Variants in RORA observed in about 807,000 individuals in gnomAD.
RORA encodes RAR related orphan receptor A.
A neutral mutation model predicts 69.5 loss-of-function variants in RORA; 7 were observed. The ratio of observed to expected loss-of-function variants is 0.10; its 90% CI spans 0.06 to 0.19. RORA has a LOEUF of 0.19. Ranked by LOEUF, RORA falls within the 10% of genes least tolerant of loss-of-function variation. The pLI, the probability that RORA is intolerant of heterozygous loss-of-function variation, is 1.00. For synonymous variants in RORA, 261 were observed against 240.8 expected (o/e 1.08, Z -0.78); for missense variants, 457 against 663.0 (o/e 0.69, Z 3.41).
At chr15:61,170,322 C>A (rs1345312296) in intron 1 of RORA, among the ~76,000 whole-genome samples, 1 of 152,206 alleles carries the variant, frequency 6.6e-6, no homozygotes, top group Non-Finnish European at 1.5e-5. Flanking sequence ...CACCTGCATT[C>A]TCTTTGCCCT....
chr15:60,500,034 A>G (rs201982374), intron 9 of RORA, 30 bp from the exon 10 acceptor site: 2 of 1,365,582 alleles, frequency 1.5e-6, no homozygotes, highest in African/African-American at 1.4e-5. Flanking sequence ...ATTCTTTAGC[A>G]TTCCTCTGAC....
chr15:60,508,274 G>T (rs2065578931), intron 5 of RORA, among the ~76,000 whole-genome samples: 1 of 152,282 alleles, frequency 6.6e-6, no homozygotes, highest in East Asian at 1.9e-4. Flanking sequence ...GGCAAGTCAT[G>T]TGCCCCAACC....
At chr15:61,225,786 G>A (rs918602715) in intron 1 of RORA, among the ~76,000 whole-genome samples, 2 of 152,192 alleles carry the variant, frequency 1.3e-5, no homozygotes, top group African/African-American at 4.8e-5. Context: ...CGAGGCTCAT[G>A]GCTCCCTGAA....
intron 1 of RORA, among the ~76,000 whole-genome samples, chr15:60,774,675 C>G (rs2072135086): frequency 6.6e-6 from 1 of 152,202 alleles, no homozygotes; most frequent in Non-Finnish European, 1.5e-5. Flanking sequence ...TTACACTAAA[C>G]TCATGAGATA....
chr15:60,616,531 A>G (rs2069248183), intron 2 of RORA, among the ~76,000 whole-genome samples: 1 of 152,242 alleles, frequency 6.6e-6, no homozygotes, highest in East Asian at 1.9e-4. Flanking sequence ...AGGCTCAGAA[A>G]GAAACAAGAG....
At chr15:60,921,679 A>C (rs1371077886) in intron 1 of RORA, among the ~76,000 whole-genome samples, 2 of 152,180 alleles carry the variant, frequency 1.3e-5, no homozygotes, top group Admixed American at 6.5e-5. Flanking sequence ...GCTCCAATAC[A>C]ATTAAAGAAA....
In RORA at chr15:60,814,872, A is replaced by G. The variant is rs7165718; in HGVS notation, c.167-136186T>C. On this transcript the variant is annotated intron_variant, in intron 1 of 10. Coordinates refer to ENST00000335670, the MANE Select transcript of RORA (RefSeq NM_134261.3). Reference sequence around the variant, plus strand: ...TTAGGATTGCTTCTGGGTGCTTCTCATCTCCAGCCCGTCCTCAACCCTGGG... The same window carrying G: ...TTAGGATTGCTTCTGGGTGCTTCTCGTCTCCAGCCCGTCCTCAACCCTGGG... 4.1e-4 allele frequency among the ~76,000 whole-genome samples: 62 copies of G among 152,214 alleles called. 1 individual carries two copies. In the South Asian group the frequency reaches 0.013, roughly 31 times the overall value.
chr15:60,892,641 G>T (rs1439762127), intron 1 of RORA, among the ~76,000 whole-genome samples: 4 of 152,218 alleles, frequency 2.6e-5, no homozygotes, highest in African/African-American at 9.7e-5. Flanking sequence ...GGGAGGAAAA[G>T]TAGAGGAAGT....
chr15:60,771,663 C>A (rs1241864753), intron 1 of RORA, among the ~76,000 whole-genome samples: 7 of 152,160 alleles, frequency 4.6e-5, no homozygotes, highest in African/African-American at 1.7e-4. Context: ...AGCACGAACC[C>A]CATACATGAA....
intron 1 of RORA, among the ~76,000 whole-genome samples, chr15:61,129,629 G>A (rs1010529653): frequency 2.0e-5 from 3 of 152,216 alleles, no homozygotes; most frequent in Non-Finnish European, 2.9e-5. Context: ...ATGTGATACT[G>A]TTTTAAATGG....
intron 1 of RORA, among the ~76,000 whole-genome samples, chr15:60,984,353 A>G (rs12917613): frequency 0.3 from 46,288 of 151,768 alleles, 7,447 homozygotes; most frequent in Middle Eastern, 0.36. Flanking sequence ...TTTTTAAAAA[A>G]GAATCGTGAC....
At chr15:61,005,076 G>A (rs1894871402) in intron 1 of RORA, among the ~76,000 whole-genome samples, 1 of 152,182 alleles carries the variant, frequency 6.6e-6, no homozygotes, top group Non-Finnish European at 1.5e-5. Context: ...ATATGCAGTA[G>A]GATGTTCATC....
At chr15:60,921,896 T>C (rs1242440687) in intron 1 of RORA, among the ~76,000 whole-genome samples, 1 of 152,182 alleles carries the variant, frequency 6.6e-6, no homozygotes, top group Non-Finnish European at 1.5e-5. Flanking sequence ...TCATTCATTT[T>C]TAAAATTTTA....
chr15:60,832,659 GA>G (rs200922072), intron 1 of RORA, among the ~76,000 whole-genome samples: 4 of 149,056 alleles, frequency 2.7e-5, no homozygotes, highest in South Asian at 2.1e-4. Flanking sequence ...CCTTGCTGAT[GA>G]AAAAAAAAAT....
At chr15:60,855,756 A>ATCG (rs1393029863) in intron 1 of RORA, among the ~76,000 whole-genome samples, 94 of 107,644 alleles carry the variant, frequency 8.7e-4, no homozygotes, top group African/African-American at 2.8e-3. Flanking sequence ...GAGTAGCTGC[A>ATCG]CAGGCGCCCG....
At chr15:61,060,926 C>T (rs938728983) in intron 1 of RORA, among the ~76,000 whole-genome samples, 2 of 152,150 alleles carry the variant, frequency 1.3e-5, no homozygotes, top group Non-Finnish European at 2.9e-5. Flanking sequence ...TCCTGGGCAG[C>T]GTGCGGCCGA....
chr15:60,675,631 G>C (rs1272682612), intron 2 of RORA, among the ~76,000 whole-genome samples: 4 of 152,094 alleles, frequency 2.6e-5, no homozygotes, highest in African/African-American at 9.7e-5. Flanking sequence ...TATGTCCATG[G>C]GCTCCTCTGA....
chr15:61,220,801 C>T (rs1419521504), intron 1 of RORA, among the ~76,000 whole-genome samples: 1 of 152,144 alleles, frequency 6.6e-6, no homozygotes, highest in African/African-American at 2.4e-5. Flanking sequence ...CTTTTCATTG[C>T]CCTTGTTAAA....
At chr15:61,224,002 T>G (rs1219765215) in intron 1 of RORA, among the ~76,000 whole-genome samples, 1 of 59,796 alleles carries the variant, frequency 1.7e-5, no homozygotes, top group African/African-American at 5.3e-5. Flanking sequence ...GTGAATTAGA[T>G]ATCAAAAAAA....
Sources: allele counts gnomAD v4.1 joint callset (sites outside exome capture counted in the v4.1 genomes callset), GRCh38; gene constraint gnomAD v4.1.1; transcripts MANE v1.5; gene names NCBI Gene and HGNC (gene_info 2026-07-23, HGNC 2026-07-21).